The following PASK variants were observed in gnomAD, a reference collection of about 807,000 sequenced individuals.
The protein encoded by PASK is PAS domain containing serine/threonine kinase, also known as PAS domain-containing serine/threonine-protein kinase.
PASK carries 110 observed loss-of-function variants against 121.0 expected under a neutral mutation model. The ratio of observed to expected loss-of-function variants is 0.91; its 90% CI spans 0.78 to 1.06. The LOEUF (loss-of-function observed/expected upper bound fraction) is 1.06, where lower values mean the gene tolerates loss of function less well. PASK is among the 50% of genes least tolerant of loss of function. The pLI is 0.00. For missense variants in PASK, 1,643 were observed against 1,702.3 expected (o/e 0.97, Z 0.61); for synonymous variants, 686 against 717.8 (o/e 0.96, Z 0.71).
chr2:241,144,453 A>G (rs550252324), intron 1 of PASK, among the ~76,000 whole-genome samples: 2 of 152,280 alleles, frequency 1.3e-5, no homozygotes, highest in Admixed American at 1.3e-4. Context: ...TTCCCCCACG[A>G]AATGAGGAGA....
At chr2:241,116,877 A>G (rs546786937) in intron 12 of PASK, among the ~76,000 whole-genome samples, 58 of 152,340 alleles carry the variant, frequency 3.8e-4, no homozygotes, top group African/African-American at 1.3e-3. Context: ...ATCACGCACC[A>G]AGGAACGATG....
chr2:241,145,815 T>G (rs1411996414), intron 1 of PASK: 1 of 151,938 alleles, frequency 6.6e-6, no homozygotes, highest in Non-Finnish European at 1.5e-5. Flanking sequence ...GTGGAGGTTG[T>G]AATGAGCCGA....
intron 8 of PASK, chr2:241,133,259 C>T (rs1322437713): frequency 1.7e-6 from 1 of 600,576 alleles, no homozygotes; most frequent in Non-Finnish European, 3.0e-6. Flanking sequence ...CTATTAACAC[C>T]CAAGTCAGAG....
In PASK at chr2:241,148,494, G is replaced by C. The variant is rs186486344; in HGVS notation, c.-43+920C>G. ...GGGCCCTACCAAGCAGAGTGAAGAA[G>C]TCTTTCAGAGGCAAAGCCTCCCAGA... is the stretch of plus-strand genomic sequence containing the variant. On this transcript the variant is annotated intron_variant, in intron 1 of 17. Transcript: ENST00000234040. Among the ~76,000 whole-genome samples the C allele has an allele frequency of 1.3e-4, 20 of 152,310 alleles. 1 individual carries two copies. The highest frequency in any genetic ancestry group is 2.4e-4 in the Non-Finnish European group (16 of 68,038).
At chr2:241,137,370 T>A in intron 6 of PASK, 106 bp from the exon 7 acceptor site, 1 of 888,132 alleles carries the variant, frequency 1.1e-6, no homozygotes, top group Non-Finnish European at 1.9e-6. Flanking sequence ...TCGGGGAAGG[T>A]CCCCAGGACA....
At chr2:241,107,208 G>A (rs1194313599) in intron 17 of PASK, 145 bp downstream of exon 17, 3 of 792,004 alleles carry the variant, frequency 3.8e-6, no homozygotes, top group Non-Finnish European at 6.7e-6. Context: ...CAGGTGACAG[G>A]TCAGCTATAG....
At chr2:241,107,578 A>AC (rs34577714) in intron 16 of PASK, 79 bp from the exon 17 acceptor site, 161 of 1,389,188 alleles carry the variant, frequency 1.2e-4, no homozygotes, top group South Asian at 1.7e-4. Context: ...GGTGCTCACC[A>AC]CCCCCCCGCA....
chr2:241,147,754 T>A (rs2067026734), intron 1 of PASK, among the ~76,000 whole-genome samples: 1 of 83,940 alleles, frequency 1.2e-5, no homozygotes, highest in African/African-American at 2.9e-5. Context: ...GGGCATGCAA[T>A]TTTTTGTCCT....
At chr2:241,121,882 G>C (rs1359822811) in intron 12 of PASK, among the ~76,000 whole-genome samples, 2 of 152,188 alleles carry the variant, frequency 1.3e-5, no homozygotes, top group Non-Finnish European at 2.9e-5. Context: ...AAATCCACAA[G>C]TATAGGTAGA....
At chr2:241,120,860 T>C (rs2065576574) in intron 12 of PASK, among the ~76,000 whole-genome samples, 1 of 152,170 alleles carries the variant, frequency 6.6e-6, no homozygotes, top group African/African-American at 2.4e-5. Context: ...TTCACACAAA[T>C]CTTATATACA....
At chr2:241,139,345 C>A (rs898408031) in intron 4 of PASK, among the ~76,000 whole-genome samples, 1 of 152,196 alleles carries the variant, frequency 6.6e-6, no homozygotes, top group African/African-American at 2.4e-5. Context: ...GGAAACCCTA[C>A]AATCAGCCAT....
Position 241,127,061 on chromosome 2 carries a change from G to A in PASK, c.1854C>T (p.Gly618=). ...MHCPCYGSEW[G]LWWRSQDLAP... ...CCAAGTCCTGGCTTCGCCACCACAA[G>A]CCCCATTCACTCCCATAGCAAGGGC... The change falls in exon 10 of 18, where the codon GGC becomes GGT. Residue 618 remains glycine, a synonymous_variant. Coordinates refer to ENST00000234040, the MANE Select transcript of PASK (RefSeq NM_015148.4). The A allele has an allele frequency of 1.2e-6, 2 of 1,614,134 alleles. No homozygotes were observed. Among genetic ancestry groups the A allele is most frequent in the African/African-American group, 2.7e-5 (2 of 75,060 alleles).
chr2:241,115,746 A>C (rs1428934623), intron 12 of PASK, among the ~76,000 whole-genome samples: 1 of 136,068 alleles, frequency 7.3e-6, no homozygotes, highest in Admixed American at 7.5e-5. Flanking sequence ...ATCCCGTTAC[A>C]CCAGGGGCCA....
At chr2:241,143,419 C>T (rs11682823) in intron 1 of PASK, among the ~76,000 whole-genome samples, 9,440 of 152,034 alleles carry the variant, frequency 0.062, 339 homozygotes, top group South Asian at 0.14. Context: ...GGCATGGTGG[C>T]GGGTGCCTGT....
chr2:241,138,937 A>G, intron 4 of PASK, 143 bp from the exon 5 acceptor site: 1 of 783,818 alleles, frequency 1.3e-6, no homozygotes, highest in Non-Finnish European at 2.2e-6. Context: ...TCAGAAATTT[A>G]CCAAAGCACA....
intron 14 of PASK, chr2:241,113,486 G>A (rs1269844980): frequency 6.5e-6 from 1 of 153,198 alleles, no homozygotes; most frequent in Non-Finnish European, 1.4e-5. Flanking sequence ...ATACACACGT[G>A]TGCATACCTA....
At chr2:241,117,552 C>T (rs2065427631) in intron 12 of PASK, among the ~76,000 whole-genome samples, 1 of 152,164 alleles carries the variant, frequency 6.6e-6, no homozygotes. Context: ...AACCAAAGAA[C>T]GGAAGCTTTA....
Position 241,138,702 on chromosome 2 carries a change from G to GACC in PASK, c.690_692dup (p.Val231dup). 2 of 1,614,128 alleles carry GACC rather than the reference G, an allele frequency of 1.2e-6. No homozygotes were observed. The highest frequency in any genetic ancestry group is 1.7e-6 in the Non-Finnish European group (2 of 1,180,048). On this transcript the variant is annotated inframe_insertion, in exon 5 of 18. Transcript: ENST00000234040. ...TCGAGACCCTCTCCACGGGCTCCAG[G>GACC]ACCACCACGCAGCATAGGCGGCGCT...
At position 241,108,042 on chromosome 2, in the gene PASK, A is replaced by G; in HGVS notation, c.3667+125T>C. ...GTCATATGCAAATTATTTGATGAATAGAAAAGAAACAAATGAGACTGTTGA... is the reference window on the plus strand; with the variant it reads ...GTCATATGCAAATTATTTGATGAATGGAAAAGAAACAAATGAGACTGTTGA... On this transcript the variant is annotated intron_variant, in intron 16 of 17. Transcript: ENST00000234040. The surrounding 1 kb of genome is among the most constrained non-coding windows in gnomAD (Gnocchi z 5.2). The G allele has an allele frequency of 2.1e-6, 2 of 947,538 alleles. No homozygotes were observed. The highest frequency in any genetic ancestry group is 1.7e-6 in the Non-Finnish European group (1 of 581,926). The allele number at this position is 947,538 out of a possible 1,614,324, so 58.7% of individuals were successfully genotyped here.
Sources: allele counts gnomAD v4.1 joint callset (sites outside exome capture counted in the v4.1 genomes callset), GRCh38; gene constraint gnomAD v4.1.1; non-coding constraint Gnocchi (gnomAD v3.1); transcripts MANE v1.5; gene names NCBI Gene and HGNC (gene_info 2026-07-23, HGNC 2026-07-21).